Variants in NDRG3 observed in about 807,000 individuals in gnomAD.
NDRG3 encodes protein NDRG3.
Under a neutral mutation model 57.2 loss-of-function variants are expected in NDRG3, and 23 were observed. The ratio of observed to expected loss-of-function variants is 0.40; its 90% CI spans 0.29 to 0.57. The LOEUF is 0.57. NDRG3 is among the 20% of genes least tolerant of loss of function. NDRG3 has a pLI of 0.42. For synonymous variants in NDRG3, 132 were observed against 162.6 expected, an observed-to-expected ratio of 0.81 and a Z score of 1.43; for missense variants, 384 against 457.3, an observed-to-expected ratio of 0.84 and a Z score of 1.46.
intron 10 of NDRG3, 137 bp downstream of exon 10, chr20:36,666,152 T>C (rs1165173500): frequency 3.1e-6 from 2 of 655,674 alleles, no homozygotes; most frequent in African/African-American, 3.6e-5. Flanking sequence ...TCCATGTTTC[T>C]AGAAAGCCAG....
In NDRG3 at chr20:36,653,724, C is replaced by A; in HGVS notation, c.947-23G>T. 1 of 1,603,258 alleles carries A rather than the reference C, an allele frequency of 6.2e-7. No homozygotes were observed. The highest frequency in any genetic ancestry group is 1.1e-5 in the South Asian group (1 of 90,688). On this transcript the variant is annotated intron_variant, in intron 15 of 15. Transcript: ENST00000349004. The surrounding 1 kb of genome is among the most constrained non-coding windows in gnomAD (Gnocchi z 4.2). ...GTACTGTAACAGAGAACCAAGGGGACTAGAAGATGAAGCCCCGGTTAAGCC... is the reference window on the plus strand; with the variant it reads ...GTACTGTAACAGAGAACCAAGGGGAATAGAAGATGAAGCCCCGGTTAAGCC...
intron 3 of NDRG3, among the ~76,000 whole-genome samples, chr20:36,700,050 G>A (rs917789004): frequency 1.2e-4 from 18 of 147,758 alleles, no homozygotes; most frequent in African/African-American, 4.5e-4. Flanking sequence ...GGAGGCGGAG[G>A]TTTCAGTGAG....
intron 1 of NDRG3, among the ~76,000 whole-genome samples, chr20:36,739,186 T>A (rs1206466567): frequency 2.5e-5 from 3 of 120,618 alleles, no homozygotes; most frequent in African/African-American, 6.4e-5. Context: ...CAGTGGCTCA[T>A]GCCTGTAATC....
intron 1 of NDRG3, among the ~76,000 whole-genome samples, chr20:36,729,785 C>A (rs553082288): frequency 5.3e-5 from 8 of 152,080 alleles, no homozygotes; most frequent in African/African-American, 1.9e-4. Context: ...ACGTCAGCCT[C>A]CCAAAGTGCT....
intron 1 of NDRG3, among the ~76,000 whole-genome samples, chr20:36,736,750 A>T (rs1432764212): frequency 6.6e-6 from 1 of 152,172 alleles, no homozygotes; most frequent in Admixed American, 6.5e-5. Context: ...AGACTTTTAA[A>T]AATGCAGCTG....
chr20:36,680,071 G>A lies in NDRG3; in HGVS notation c.531+745C>T, dbSNP rs548547539. The stretch of plus-strand genomic sequence containing the variant: ...ACTCCCGACCTCAGGTGATCTTCCC[G>A]CCTCTGCCTCCCAAAGTGCTGGGAT... On this transcript the variant is annotated intron_variant, in intron 8 of 15. Coordinates refer to ENST00000349004, the MANE Select transcript of NDRG3 (RefSeq NM_032013.4). Among the ~76,000 whole-genome samples the A allele has an allele frequency of 1.6e-4, 24 of 150,226 alleles. No homozygotes were observed. In the East Asian group the frequency reaches 3.3e-3, roughly 20 times the overall value.
chr20:36,716,420 C>A (rs1399225213), intron 2 of NDRG3, among the ~76,000 whole-genome samples: 1 of 151,488 alleles, frequency 6.6e-6, no homozygotes, highest in Admixed American at 6.6e-5. Flanking sequence ...ATAATCCCAG[C>A]TACTTGGGAG....
chr20:36,665,003 CATT>C (rs769214499), intron 12 of NDRG3, 40 bp downstream of exon 12: 46 of 1,595,060 alleles, frequency 2.9e-5, no homozygotes, highest in Non-Finnish European at 3.7e-5. Flanking sequence ...CATTTTATTA[CATT>C]TTGATCTCAT....
chr20:36,743,834 CAAACAAAAAA>C (rs1018945845), intron 1 of NDRG3, among the ~76,000 whole-genome samples: 1 of 148,176 alleles, frequency 6.7e-6, no homozygotes, highest in Non-Finnish European at 1.5e-5. Context: ...CAAACAAAAA[CAAACAAAAAA>C]CAAACAAAAA....
chr20:36,712,400 T>C (rs1179301051), intron 2 of NDRG3, among the ~76,000 whole-genome samples: 11 of 143,724 alleles, frequency 7.7e-5, no homozygotes, highest in African/African-American at 2.6e-4. Context: ...TTTCTTTTTT[T>C]TTTTTTTTTT....
chr20:36,688,143 C>T (rs1241380453), intron 4 of NDRG3, among the ~76,000 whole-genome samples: 1 of 152,232 alleles, frequency 6.6e-6, no homozygotes, highest in Non-Finnish European at 1.5e-5. Flanking sequence ...CTTTAACACT[C>T]AACTGTGGCC....
rs1982013065 is a variant in NDRG3 at position 36,688,794 on chromosome 20, G to A, written c.94-10C>T. On this transcript the variant is annotated splice_polypyrimidine_tract_variant and intron_variant, in intron 3 of 15. Coordinates refer to ENST00000349004, the MANE Select transcript of NDRG3 (RefSeq NM_032013.4). ...TTTCTATATCATGTTCCTGTAACAAGAGAATGTAAGTTCTCAGAAAAAGCA... is the reference window on the plus strand; with the variant it reads ...TTTCTATATCATGTTCCTGTAACAAAAGAATGTAAGTTCTCAGAAAAAGCA... 6.3e-7 allele frequency: 1 copy of A among 1,598,976 alleles called. No individual in the cohort carries two copies. The highest frequency in any genetic ancestry group is 2.2e-5 in the East Asian group (1 of 44,810).
intron 3 of NDRG3, among the ~76,000 whole-genome samples, chr20:36,693,676 C>A (rs1982533233): frequency 6.6e-6 from 1 of 151,686 alleles, no homozygotes; most frequent in Admixed American, 6.6e-5. Flanking sequence ...GGAGCATGAA[C>A]CCTATTGTGA....
At chr20:36,671,812 A>C (rs543538867) in intron 8 of NDRG3, among the ~76,000 whole-genome samples, 1 of 152,162 alleles carries the variant, frequency 6.6e-6, no homozygotes, top group African/African-American at 2.4e-5. Flanking sequence ...AAAAAAAAAA[A>C]AAAAAAACCC....
chr20:36,677,112 G>A (rs1451436181), intron 8 of NDRG3, among the ~76,000 whole-genome samples: 1 of 152,100 alleles, frequency 6.6e-6, no homozygotes, highest in Non-Finnish European at 1.5e-5. Flanking sequence ...AGCAGGAGCT[G>A]GGGACAAGCG....
chr20:36,741,576 A>G (rs567972912), intron 1 of NDRG3, among the ~76,000 whole-genome samples: 2 of 152,306 alleles, frequency 1.3e-5, no homozygotes, highest in South Asian at 4.1e-4. Context: ...AAGCCTCTAA[A>G]TCTTACTCCC....
chr20:36,671,509 T>A, intron 8 of NDRG3, 112 bp from the exon 9 acceptor site: 1 of 812,226 alleles, frequency 1.2e-6, no homozygotes, highest in Admixed American at 2.6e-5. Flanking sequence ...TAAAAACAAA[T>A]GAAAAACCCT....
intron 3 of NDRG3, among the ~76,000 whole-genome samples, chr20:36,696,470 C>T (rs375913180): frequency 9.2e-5 from 14 of 151,934 alleles, no homozygotes; most frequent in Admixed American, 1.3e-4. Context: ...TGTGAGCCAC[C>T]GCGTGTGGCC....
chr20:36,712,740 C>T (rs1386808356), intron 2 of NDRG3, among the ~76,000 whole-genome samples: 2 of 150,606 alleles, frequency 1.3e-5, no homozygotes, highest in Non-Finnish European at 3.0e-5. Context: ...GGATTACAGG[C>T]ACACGCCACC....
Sources: gnomAD v4.1 joint callset for allele counts (sites outside exome capture counted in the v4.1 genomes callset) on GRCh38, gnomAD v4.1.1 for gene constraint, Gnocchi (gnomAD v3.1) non-coding constraint, MANE v1.5 for transcripts, NCBI Gene and HGNC (gene_info 2026-07-23, HGNC 2026-07-21) for gene names.